Variants in ADAMTSL1 observed in about 807,000 individuals in gnomAD.
ADAMTSL1 encodes the protein ADAMTS-like protein 1.
ADAMTSL1 carries 126 observed loss-of-function variants against 201.8 expected under a neutral mutation model. The observed-to-expected ratio is 0.62, with a 90% CI of 0.54 to 0.72. The LOEUF is 0.72. ADAMTSL1 is among the 30% of genes least tolerant of loss of function. The pLI, the probability that ADAMTSL1 is intolerant of heterozygous loss-of-function variation, is 0.00. For synonymous variants in ADAMTSL1, 1,121 were observed against 903.4 expected (o/e 1.24, Z -4.32); for missense variants, 2,679 against 2,277.8 (o/e 1.18, Z -3.59).
rs66675938 is a variant in ADAMTSL1, at chr9:18,681,698, G to GTGTGT, written c.1342-114_1342-113insTGTGT. On this transcript the variant is annotated intron_variant, in intron 11 of 28. Transcript: ENST00000380548. The stretch of plus-strand genomic sequence containing the variant: ...ATAAATTTACCAGGAGTCCTCGTGT[G>GTGTGT]GGGGGGGGGGGCGGGGAAAAAGAAA... 83 of 323,006 alleles carry GTGTGT rather than the reference G, an allele frequency of 2.6e-4. 1 individual carries two copies. Among genetic ancestry groups the GTGTGT allele is most frequent in the African/African-American group, 2.1e-3 (40 of 18,616 alleles). The allele number at this position is 323,006 out of a possible 1,614,324, so 20.0% of individuals were successfully genotyped here.
chr9:18,478,309 C>G (rs1258224570), intron 1 of ADAMTSL1, among the ~76,000 whole-genome samples: 7 of 152,104 alleles, frequency 4.6e-5, no homozygotes, highest in Non-Finnish European at 1.0e-4. Flanking sequence ...GAGACATGGT[C>G]TGGTGTTTTG....
intron 2 of ADAMTSL1, among the ~76,000 whole-genome samples, chr9:18,329,780 GCATT>G (rs10547462): frequency 0.035 from 5,363 of 152,102 alleles, 294 homozygotes; most frequent in African/African-American, 0.12. Flanking sequence ...ACTTATGTAT[GCATT>G]CATTCATTCA....
At chr9:18,565,849 A>T (rs1241430392) in intron 3 of ADAMTSL1, among the ~76,000 whole-genome samples, 1 of 152,188 alleles carries the variant, frequency 6.6e-6, no homozygotes, top group Non-Finnish European at 1.5e-5. Flanking sequence ...GATAATTTTG[A>T]TGTTAGTATA....
chr9:18,489,469 A>G (rs1382049268), intron 1 of ADAMTSL1, among the ~76,000 whole-genome samples: 1 of 152,202 alleles, frequency 6.6e-6, no homozygotes, highest in Non-Finnish European at 1.5e-5. Context: ...AGTTACCAGG[A>G]TGTCGCGTAA....
At chr9:18,745,358 C>A (rs1267395784) in intron 15 of ADAMTSL1, among the ~76,000 whole-genome samples, 1 of 152,200 alleles carries the variant, frequency 6.6e-6, no homozygotes, top group Non-Finnish European at 1.5e-5. Flanking sequence ...AAATATATTA[C>A]TATCAAATTG....
At chr9:18,713,338 C>A (rs915749802) in intron 14 of ADAMTSL1, among the ~76,000 whole-genome samples, 14 of 152,268 alleles carry the variant, frequency 9.2e-5, no homozygotes, top group African/African-American at 3.4e-4. Flanking sequence ...CATCAGTGTG[C>A]AGTATTCAGG....
intron 15 of ADAMTSL1, among the ~76,000 whole-genome samples, chr9:18,752,792 C>T (rs1302585131): frequency 6.6e-6 from 1 of 152,198 alleles, no homozygotes; most frequent in African/African-American, 2.4e-5. Context: ...AAGACAGAGA[C>T]GTTTCTATGC....
chr9:18,581,418 C>T (rs1201733857), intron 4 of ADAMTSL1, among the ~76,000 whole-genome samples: 2 of 152,182 alleles, frequency 1.3e-5, no homozygotes, highest in African/African-American at 4.8e-5. Context: ...CAATTCAACC[C>T]ATGACAGCCA....
chr9:18,560,538 G>A (rs545368240), intron 3 of ADAMTSL1, among the ~76,000 whole-genome samples: 1 of 152,222 alleles, frequency 6.6e-6, no homozygotes, highest in South Asian at 2.1e-4. Flanking sequence ...ATGAGTTAGG[G>A]AGGAGTCCTT....
At chr9:18,186,485 C>T (rs1252514010) in intron 2 of ADAMTSL1, among the ~76,000 whole-genome samples, 3 of 152,104 alleles carry the variant, frequency 2.0e-5, no homozygotes, top group Non-Finnish European at 2.9e-5. Flanking sequence ...ACATCCTAGT[C>T]ATGTCACCTG....
rs1297511877 is a variant in ADAMTSL1 at position 18,906,851 on chromosome 9, G to T, written c.5121G>T (p.Leu1707=). The T allele has an allele frequency of 6.2e-7, 1 of 1,614,038 alleles. No individual in the cohort carries two copies. Among genetic ancestry groups the T allele is most frequent in the South Asian group, 1.1e-5 (1 of 91,088 alleles). ...ARTNKAVPEH[L]CSWGPRPANW... is the part of the protein sequence containing the mutation. ...CCAACAAGGCAGTGCCTGAGCACCT[G>T]TGCTCCTGGGGGCCCCGGCCTGCCA... The change falls in exon 28 of 29, where the codon CTG becomes CTT. Residue 1707 remains leucine, a synonymous_variant. Coordinates refer to ENST00000380548, the MANE Select transcript of ADAMTSL1 (RefSeq NM_001040272.6).
chr9:18,153,608 C>A (rs1370793383), intron 1 of ADAMTSL1, among the ~76,000 whole-genome samples: 3 of 151,896 alleles, frequency 2.0e-5, no homozygotes, highest in African/African-American at 7.3e-5. Flanking sequence ...AGGACTGAAG[C>A]CCCTGACAGT....
At chr9:18,473,224 A>G (rs1184234389), upstream of ADAMTSL1, among the ~76,000 whole-genome samples, 3 of 152,206 alleles carry the variant, frequency 2.0e-5, no homozygotes, top group Admixed American at 6.5e-5. Context: ...CTTGGTTAAA[A>G]GAAGGTTTGG....
chr9:18,438,764 G>C (rs1269083811), intron 2 of ADAMTSL1, among the ~76,000 whole-genome samples: 2 of 152,080 alleles, frequency 1.3e-5, no homozygotes, highest in East Asian at 1.9e-4. Context: ...CCAAACAGAC[G>C]AGCCGGCGCA....
At chr9:18,532,867 A>G (rs1215277930) in intron 2 of ADAMTSL1, among the ~76,000 whole-genome samples, 1 of 151,874 alleles carries the variant, frequency 6.6e-6, no homozygotes, top group Non-Finnish European at 1.5e-5. Context: ...ATTCCAATTT[A>G]TTTTCAAGAT....
intron 20 of ADAMTSL1, among the ~76,000 whole-genome samples, chr9:18,806,228 G>A (rs769512569): frequency 2.0e-5 from 3 of 152,174 alleles, no homozygotes; most frequent in Non-Finnish European, 4.4e-5. Flanking sequence ...AAATATGATA[G>A]TTTATTTCTT....
rs551040402 is a variant in ADAMTSL1 at position 18,041,539 on chromosome 9, T to C, written c.88-122323T>C. On this transcript the variant is annotated intron_variant, in intron 1 of 29. Transcript: ENST00000680146. ...TTAAAATTCAGACATGATGATTAAA[T>C]TATTTGTTTTTGCCATAATATGGTT... 4.6e-5 allele frequency among the ~76,000 whole-genome samples: 7 copies of C among 152,300 alleles called. No homozygotes were observed. In the East Asian group the frequency reaches 1.2e-3, roughly 25 times the overall value.
At chr9:18,333,352 G>A (rs1012124589) in intron 2 of ADAMTSL1, among the ~76,000 whole-genome samples, 10 of 152,184 alleles carry the variant, frequency 6.6e-5, no homozygotes, top group East Asian at 3.9e-4. Context: ...TGTCATAAGC[G>A]TCTGGCATTT....
chr9:18,584,297 C>G (rs946172281), intron 4 of ADAMTSL1, among the ~76,000 whole-genome samples: 4 of 151,314 alleles, frequency 2.6e-5, no homozygotes, highest in African/African-American at 9.7e-5. Context: ...AGGAGTTTCT[C>G]TGCACAAGCT....
Sources: gnomAD v4.1 joint callset for allele counts (sites outside exome capture counted in the v4.1 genomes callset) on GRCh38, gnomAD v4.1.1 for gene constraint, MANE v1.5 for transcripts, NCBI Gene and HGNC (gene_info 2026-07-23, HGNC 2026-07-21) for gene names.